CCDC85A: variants seen among roughly 807,000 people sequenced by gnomAD.
The protein encoded by CCDC85A is coiled-coil domain containing 85A, also known as coiled-coil domain-containing protein 85A.
In CCDC85A, 38 loss-of-function variants were observed where a neutral mutation model predicts 50.2. That is an observed-to-expected ratio of 0.76 (90% confidence interval 0.58 to 0.99). The LOEUF is 0.99. Ranked by LOEUF, CCDC85A falls within the 50% of genes least tolerant of loss-of-function variation. The pLI, the probability that CCDC85A is intolerant of heterozygous loss-of-function variation, is 0.00. For synonymous variants in CCDC85A, 366 were observed against 301.4 expected, an observed-to-expected ratio of 1.21 and a Z score of -2.22; for missense variants, 820 against 742.0, an observed-to-expected ratio of 1.11 and a Z score of -1.22.
chr2:56,309,969 G>A (rs1250454001), intron 2 of CCDC85A, among the ~76,000 whole-genome samples: 1 of 151,994 alleles, frequency 6.6e-6, no homozygotes, highest in Non-Finnish European at 1.5e-5. Flanking sequence ...TCAGTTCTTT[G>A]CCCTTTATAT....
At chr2:56,310,550 C>T (rs1672643831) in intron 2 of CCDC85A, among the ~76,000 whole-genome samples, 2 of 152,076 alleles carry the variant, frequency 1.3e-5, no homozygotes, top group African/African-American at 4.8e-5. Flanking sequence ...ATATTAGGAA[C>T]CAAGTCAGTC....
chr2:56,369,654 T>C (rs1675978370), intron 3 of CCDC85A, among the ~76,000 whole-genome samples: 1 of 152,160 alleles, frequency 6.6e-6, no homozygotes, highest in Admixed American at 6.6e-5. Context: ...TTCCAACAAA[T>C]AGTTCTTGGG....
Position 56,264,719 on chromosome 2 carries a change from A to G in CCDC85A, c.1240+71279A>G, listed in dbSNP as rs555770546. ...AATTGACTTCACCTTCTTACAGTCT[A>G]AATGCAGAATTTCTTGTAGGACTTA... On this transcript the variant is annotated intron_variant, in intron 2 of 5. Coordinates refer to ENST00000407595, the MANE Select transcript of CCDC85A (RefSeq NM_001080433.2). Among the ~76,000 whole-genome samples, 19 of 152,264 alleles carry G rather than the reference A, an allele frequency of 1.2e-4. No homozygotes were observed. In the East Asian group the frequency reaches 3.5e-3, roughly 28 times the overall value.
At chr2:56,328,581 C>A (rs1304799791) in intron 2 of CCDC85A, among the ~76,000 whole-genome samples, 1 of 152,182 alleles carries the variant, frequency 6.6e-6, no homozygotes, top group Non-Finnish European at 1.5e-5. Context: ...ATCTTCCCTT[C>A]CTCGTCTGGT....
chr2:56,300,883 C>T (rs1359635360), intron 2 of CCDC85A, among the ~76,000 whole-genome samples: 1 of 152,168 alleles, frequency 6.6e-6, no homozygotes, highest in Non-Finnish European at 1.5e-5. Flanking sequence ...TCTTGCTTTA[C>T]AAACCTGGTT....
chr2:56,297,754 G>A (rs1672019911), intron 2 of CCDC85A, among the ~76,000 whole-genome samples: 2 of 152,212 alleles, frequency 1.3e-5, no homozygotes. Flanking sequence ...GTGAGGTGAT[G>A]TCGGGGACTT....
chr2:56,330,855 A>T (rs1195397708), intron 2 of CCDC85A, among the ~76,000 whole-genome samples: 3 of 152,224 alleles, frequency 2.0e-5, no homozygotes, highest in Admixed American at 1.3e-4. Flanking sequence ...CATTTGATCT[A>T]GTACTCCCAC....
At chr2:56,359,598 C>T (rs1299693320) in intron 3 of CCDC85A, among the ~76,000 whole-genome samples, 1 of 152,178 alleles carries the variant, frequency 6.6e-6, no homozygotes, top group Non-Finnish European at 1.5e-5. Context: ...TATACACCTT[C>T]ACAGACAAGT....
At chr2:56,196,664 A>G (rs1676532316) in intron 2 of CCDC85A, among the ~76,000 whole-genome samples, 1 of 152,212 alleles carries the variant, frequency 6.6e-6, no homozygotes. Context: ...TCTTCTAGCA[A>G]TAGCTGTATT....
chr2:56,277,782 T>C (rs1179880052), intron 2 of CCDC85A, among the ~76,000 whole-genome samples: 1 of 152,188 alleles, frequency 6.6e-6, no homozygotes, highest in African/African-American at 2.4e-5. Context: ...CCCCTTAATG[T>C]TTTCTTCTTG....
rs72917080 is a variant in CCDC85A at position 56,208,827 on chromosome 2, T to C, written c.1240+15387T>C. Among the ~76,000 whole-genome samples the C allele has an allele frequency of 1.6e-3, 250 of 152,172 alleles. 1 individual carries two copies. Among genetic ancestry groups the C allele is most frequent in the African/African-American group, 5.8e-3 (239 of 41,532 alleles). The stretch of plus-strand genomic sequence containing the variant: ...TGTTTCATCTCATCTTCTTGTAAAT[T>C]CTTAACATATCATGGTCTTTAGCAT... On this transcript the variant is annotated intron_variant, in intron 2 of 5. Transcript: ENST00000407595.
chr2:56,265,328 A>C (rs541330142), intron 2 of CCDC85A, among the ~76,000 whole-genome samples: 9 of 152,360 alleles, frequency 5.9e-5, no homozygotes, highest in Admixed American at 5.9e-4. Flanking sequence ...TAACACAGCT[A>C]CCTGTTAAGA....
chr2:56,352,156 A>G (rs1052544666), intron 3 of CCDC85A, among the ~76,000 whole-genome samples: 1 of 152,204 alleles, frequency 6.6e-6, no homozygotes, highest in South Asian at 2.1e-4. Context: ...TTATAAATAT[A>G]ACGCATTAGT....
chr2:56,330,559 G>A (rs1673734975), intron 2 of CCDC85A, among the ~76,000 whole-genome samples: 1 of 152,124 alleles, frequency 6.6e-6, no homozygotes, highest in African/African-American at 2.4e-5. Context: ...GTAGCACATA[G>A]CACTGTGCTA....
intron 2 of CCDC85A, among the ~76,000 whole-genome samples, chr2:56,338,089 TA>T (rs1212842076): frequency 6.6e-6 from 1 of 152,178 alleles, no homozygotes; most frequent in Non-Finnish European, 1.5e-5. Context: ...GCTCCTTTTT[TA>T]ATGCATTATA....
At chr2:56,233,531 T>C (rs1488612315) in intron 2 of CCDC85A, among the ~76,000 whole-genome samples, 1 of 152,284 alleles carries the variant, frequency 6.6e-6, no homozygotes, top group East Asian at 1.9e-4. Flanking sequence ...AATATGTAAA[T>C]GAATGGGTAT....
In CCDC85A at chr2:56,245,983, A is replaced by G. The variant is rs760459490; in HGVS notation, c.1240+52543A>G. 3.3e-5 allele frequency among the ~76,000 whole-genome samples: 5 copies of G among 152,260 alleles called. No homozygotes were observed. In the South Asian group the frequency reaches 1.0e-3, roughly 32 times the overall value. Reference sequence around the variant, plus strand: ...TTATAGCAGCTGAAAACGTACTAAGACAAGTTATTTGGCTCGCTGCAACCT... The same window carrying G: ...TTATAGCAGCTGAAAACGTACTAAGGCAAGTTATTTGGCTCGCTGCAACCT... On this transcript the variant is annotated intron_variant, in intron 2 of 5. Coordinates refer to ENST00000407595, the MANE Select transcript of CCDC85A (RefSeq NM_001080433.2).
chr2:56,204,293 G>A (rs1676871116), intron 2 of CCDC85A, among the ~76,000 whole-genome samples: 1 of 152,134 alleles, frequency 6.6e-6, no homozygotes, highest in Non-Finnish European at 1.5e-5. Flanking sequence ...ATTCTTAAAT[G>A]TCTATTCACT....
At position 56,278,832 on chromosome 2, in the gene CCDC85A, C is replaced by CA. The variant is rs568628587; in HGVS notation, c.1241-64044dup. 1.2e-4 allele frequency among the ~76,000 whole-genome samples: 19 copies of CA among 152,312 alleles called. No individual in the cohort carries two copies. The South Asian group carries it at 3.9e-3, about 32-fold the overall frequency. On this transcript the variant is annotated intron_variant, in intron 2 of 5. Transcript: ENST00000407595. ...AAGTGAACAGCCCACCTCGGCCTTC[C>CA]AAAGTGCTGGGATTACAGGCATGAG...
Sources: gnomAD v4.1 joint callset for allele counts (sites outside exome capture counted in the v4.1 genomes callset) on GRCh38, gnomAD v4.1.1 for gene constraint, MANE v1.5 for transcripts, NCBI Gene and HGNC (gene_info 2026-07-23, HGNC 2026-07-21) for gene names.